SCEL: variants seen among roughly 807,000 people sequenced by gnomAD.
SCEL encodes sciellin.
A neutral mutation model predicts 117.6 loss-of-function variants in SCEL; 113 were observed. The observed-to-expected ratio is 0.96, with a 90% CI of 0.83 to 1.12. SCEL has a LOEUF of 1.12. Among genes scored for constraint, SCEL ranks in the 50% most tolerant of loss-of-function variants. The probability of loss-of-function intolerance (pLI) is 0.00; values close to 1 mark genes in which losing one functional copy is unlikely to be tolerated. For missense variants in SCEL, 785 were observed against 810.8 expected (o/e 0.97, Z 0.39); for synonymous variants, 270 against 256.2 (o/e 1.05, Z -0.51).
rs1379950930 is a variant in SCEL, at chr13:77,644,795, A to T, written c.*521A>T. 1 of 152,758 alleles carries T rather than the reference A, an allele frequency of 6.5e-6. No homozygotes were observed. The highest frequency in any genetic ancestry group is 2.4e-5 in the African/African-American group (1 of 41,464). The allele number at this position is 152,758 out of a possible 1,614,324, so 9.5% of individuals were successfully genotyped here. A position where few individuals can be genotyped will look rare whatever the true frequency, so the allele number is the denominator to read the frequency against. On this transcript the variant is annotated 3_prime_UTR_variant, in exon 33 of 33. Coordinates refer to ENST00000349847, the MANE Select transcript of SCEL (RefSeq NM_144777.3). ...TACCTCAAAAATCACTAAACTTTCCAGATCTCTGTCCTATTATTTGTAACA... is the reference window on the plus strand; with the variant it reads ...TACCTCAAAAATCACTAAACTTTCCTGATCTCTGTCCTATTATTTGTAACA...
rs1000960619 is a variant in SCEL at position 77,557,288 on chromosome 13, A to G, written c.161+575A>G. On this transcript the variant is annotated intron_variant, in intron 3 of 32. Transcript: ENST00000349847. ...TGCTTCTACTAGCTGAGAGGTTTAAAGATTTGAAAACTATGGCCATAGGCA... is the reference window on the plus strand; with the variant it reads ...TGCTTCTACTAGCTGAGAGGTTTAAGGATTTGAAAACTATGGCCATAGGCA... Among the ~76,000 whole-genome samples the G allele has an allele frequency of 3.3e-5, 5 of 152,212 alleles. No homozygotes were observed. In the South Asian group the frequency reaches 1.0e-3, roughly 32 times the overall value.
chr13:77,542,558 C>T (rs2083764805), intron 1 of SCEL, among the ~76,000 whole-genome samples: 1 of 152,182 alleles, frequency 6.6e-6, no homozygotes, highest in African/African-American at 2.4e-5. Context: ...GAAGAAATAG[C>T]TGCTTTCTAA....
At chr13:77,636,191 CCTT>C (rs371220635) in intron 29 of SCEL, among the ~76,000 whole-genome samples, 125 of 152,262 alleles carry the variant, frequency 8.2e-4, no homozygotes, top group African/African-American at 2.9e-3. Flanking sequence ...GAGGTTGAAT[CCTT>C]CTTTGTCGTT....
At chr13:77,566,478 TG>T (rs2085298035) in intron 5 of SCEL, among the ~76,000 whole-genome samples, 1 of 152,134 alleles carries the variant, frequency 6.6e-6, no homozygotes, top group African/African-American at 2.4e-5. Context: ...CTTCCTTATT[TG>T]TGCTTTCTGA....
In SCEL at chr13:77,542,108, A is replaced by G. The variant is rs1420103732; in HGVS notation, c.-20+6284A>G. Among the ~76,000 whole-genome samples the G allele has an allele frequency of 2.0e-5, 3 of 152,226 alleles. No homozygotes were observed. In the East Asian group the frequency reaches 5.8e-4, roughly 29 times the overall value. On this transcript the variant is annotated intron_variant, in intron 1 of 32. Transcript: ENST00000349847. ...AAGCTTGCTGTTATCATTCTGCAGA[A>G]AAGATGGGCTGTAAGAAAAAGAGCT...
intron 9 of SCEL, among the ~76,000 whole-genome samples, chr13:77,585,336 T>C (rs934343297): frequency 3.9e-5 from 6 of 152,070 alleles, no homozygotes; most frequent in Admixed American, 2.0e-4. Context: ...TAAACCAAAG[T>C]CTGAAGGGCA....
intron 7 of SCEL, 75 bp from the exon 8 acceptor site, chr13:77,569,296 T>A: frequency 8.4e-7 from 1 of 1,192,942 alleles, no homozygotes; most frequent in Non-Finnish European, 1.2e-6. Context: ...TGAGTAGAAT[T>A]TAAGACTTTT....
Position 77,620,087 on chromosome 13 carries a change from C to T in SCEL, c.1628+2027C>T, listed in dbSNP as rs569755908. On this transcript the variant is annotated intron_variant, in intron 27 of 32. Transcript: ENST00000349847. ...AAAAAAATTTAAAAATATTGGCTAT[C>T]GTGTGGTTTTAAGATGGCGGCTTGA... 4.6e-5 allele frequency among the ~76,000 whole-genome samples: 7 copies of T among 152,218 alleles called. No homozygotes were observed. The South Asian group carries it at 1.0e-3, about 23-fold the overall frequency.
intron 2 of SCEL, 61 bp from the exon 3 acceptor site, chr13:77,556,535 A>G: frequency 7.1e-7 from 1 of 1,417,316 alleles, no homozygotes; most frequent in South Asian, 1.2e-5. Flanking sequence ...TTTCAGGTTA[A>G]CAAGCCCACG....
intron 24 of SCEL, 46 bp downstream of exon 24, chr13:77,614,001 C>A: frequency 1.4e-6 from 2 of 1,395,496 alleles, no homozygotes; most frequent in South Asian, 1.2e-5. Context: ...TTAAGTAAAC[C>A]CAAAATTAAT....
Position 77,617,987 on chromosome 13 carries a change from C to G in SCEL, c.1572-17C>G, listed in dbSNP as rs1451326796. On this transcript the variant is annotated splice_polypyrimidine_tract_variant and intron_variant, in intron 26 of 32. Coordinates refer to ENST00000349847, the MANE Select transcript of SCEL (RefSeq NM_144777.3). The stretch of plus-strand genomic sequence containing the variant: ...CTATTACCAATCTGAACTTTTTTCT[C>G]TCTCTCTTTTAAACAGCCAAGACTT... 1.9e-6 allele frequency: 3 copies of G among 1,612,140 alleles called. No homozygotes were observed. Among genetic ancestry groups the G allele is most frequent in the Non-Finnish European group, 1.7e-6 (2 of 1,178,534 alleles).
At chr13:77,609,963 A>C (rs191956223) in intron 21 of SCEL, 84 bp from the exon 22 acceptor site, 2 of 727,624 alleles carry the variant, frequency 2.7e-6, no homozygotes, top group Non-Finnish European at 2.1e-6. Flanking sequence ...AATATTTTAT[A>C]ATAAAAGTAT....
intron 32 of SCEL, 100 bp downstream of exon 32, chr13:77,642,908 A>G (rs940495788): frequency 1.8e-6 from 1 of 562,916 alleles, no homozygotes; most frequent in Non-Finnish European, 3.0e-6. Flanking sequence ...ACATTTTACT[A>G]GTTATATTTA....
rs781106231 is a variant in SCEL at position 77,563,818 on chromosome 13, A to G, written c.222-13A>G. On this transcript the variant is annotated splice_polypyrimidine_tract_variant and intron_variant, in intron 4 of 32. Transcript: ENST00000349847. ...TTTGATTTTTTTTTTTTTGGTAATT[A>G]TGTTTGCTACAGGAAAGTAAATGAG... The G allele has an allele frequency of 1.3e-6, 2 of 1,535,658 alleles. No individual in the cohort carries two copies. Among genetic ancestry groups the G allele is most frequent in the Admixed American group, 2.2e-5 (1 of 45,688 alleles).
At chr13:77,637,415 T>TATACATATATAAATAA (rs2090355743) in intron 30 of SCEL, among the ~76,000 whole-genome samples, 1 of 10,634 alleles carries the variant, frequency 9.4e-5, no homozygotes, top group Non-Finnish European at 4.3e-4. Flanking sequence ...TATAAATAAA[T>TATACATATATAAATAA]ATATATATAT....
At chr13:77,555,731 C>A (rs970737253) in intron 1 of SCEL, 126 bp from the exon 2 acceptor site, 8 of 624,164 alleles carry the variant, frequency 1.3e-5, no homozygotes, top group African/African-American at 1.8e-5. Context: ...TTATGTCATG[C>A]ATTTGTTATG....
At chr13:77,587,556 C>G (rs941134492) in intron 9 of SCEL, among the ~76,000 whole-genome samples, 3 of 152,056 alleles carry the variant, frequency 2.0e-5, no homozygotes, top group Non-Finnish European at 4.4e-5. Context: ...CACCATCGTT[C>G]CATCAAAACT....
At chr13:77,559,529 A>T (rs2084855149) in intron 3 of SCEL, among the ~76,000 whole-genome samples, 2 of 152,090 alleles carry the variant, frequency 1.3e-5, no homozygotes, top group African/African-American at 4.8e-5. Context: ...ACAACACAAC[A>T]CAACACAACA....
Position 77,551,918 on chromosome 13 carries a change from C to T in SCEL, c.-19-3939C>T, listed in dbSNP as rs1008292585. On this transcript the variant is annotated intron_variant, in intron 1 of 32. Transcript: ENST00000349847. The stretch of plus-strand genomic sequence containing the variant: ...GTCCATGTGTTCTCATTGTTCAATT[C>T]CCATCTATGAGTGAGAATATGCGGT... 2.0e-3 allele frequency among the ~76,000 whole-genome samples: 283 copies of T among 139,164 alleles called. 1 individual carries two copies. Among genetic ancestry groups the T allele is most frequent in the African/African-American group, 7.4e-3 (275 of 37,148 alleles). 91.3% of individuals were successfully genotyped at this position (139,164 alleles called of 152,430 possible). A position where few individuals can be genotyped will look rare whatever the true frequency, so the allele number is the denominator to read the frequency against.
Sources: allele counts gnomAD v4.1 joint callset (sites outside exome capture counted in the v4.1 genomes callset), GRCh38; gene constraint gnomAD v4.1.1; transcripts MANE v1.5; gene names NCBI Gene and HGNC (gene_info 2026-07-23, HGNC 2026-07-21).